The following NUP210L variants were observed in gnomAD, a reference collection of about 807,000 sequenced individuals.
The protein encoded by NUP210L is nuclear pore membrane glycoprotein 210-like.
NUP210L carries 74 observed loss-of-function variants against 208.5 expected under a neutral mutation model. That is an observed-to-expected ratio of 0.35 (90% CI 0.29 to 0.43). The LOEUF is 0.43. Among genes scored for constraint, NUP210L ranks in the 20% least tolerant of loss-of-function variants. The pLI is 1.00. For missense variants in NUP210L, 1,843 were observed against 2,289.4 expected (o/e 0.81, Z 3.98); for synonymous variants, 780 against 816.9 (o/e 0.95, Z 0.77).
chr1:154,085,030 G>A (rs569794736), intron 16 of NUP210L, among the ~76,000 whole-genome samples: 22 of 141,472 alleles, frequency 1.6e-4, no homozygotes, highest in Admixed American at 7.5e-4. Context: ...GATTACAGGC[G>A]TGAGCCACAG....
intron 35 of NUP210L, 127 bp from the exon 36 acceptor site, chr1:154,002,112 G>C: frequency 2.1e-6 from 2 of 973,276 alleles, no homozygotes; most frequent in Non-Finnish European, 3.0e-6. Context: ...ATTTAGTTTT[G>C]AGTATTCAAT....
chr1:154,135,672 C>T (rs1658497545), intron 7 of NUP210L, 142 bp downstream of exon 7: 14 of 626,410 alleles, frequency 2.2e-5, no homozygotes, highest in South Asian at 1.6e-4. Flanking sequence ...CAGCCCGCCT[C>T]GGCCTCCCAA....
chr1:154,140,366 A>G (rs1288519086), intron 4 of NUP210L, among the ~76,000 whole-genome samples: 2 of 145,990 alleles, frequency 1.4e-5, no homozygotes, highest in African/African-American at 2.5e-5. Flanking sequence ...AAAAAAAAAA[A>G]GAAAAAGAAA....
At chr1:154,090,792 C>G (rs1480320859) in intron 15 of NUP210L, among the ~76,000 whole-genome samples, 1 of 149,542 alleles carries the variant, frequency 6.7e-6, no homozygotes, top group Non-Finnish European at 1.5e-5. Context: ...GCCTGGGTGA[C>G]AAGAGTCAAA....
At chr1:154,053,556 G>A (rs138222949) in intron 25 of NUP210L, among the ~76,000 whole-genome samples, 2,034 of 152,278 alleles carry the variant, frequency 0.013, 45 homozygotes, top group African/African-American at 0.045. Context: ...CAGAATGAGG[G>A]CAAGGAACAC....
intron 10 of NUP210L, among the ~76,000 whole-genome samples, chr1:154,120,276 G>C (rs181534632): frequency 1.3e-5 from 2 of 152,198 alleles, no homozygotes; most frequent in Non-Finnish European, 2.9e-5. Flanking sequence ...GTTCTTTGTA[G>C]ATTCTGGATA....
chr1:154,036,313 C>CGT (rs1652538392), intron 27 of NUP210L, among the ~76,000 whole-genome samples: 1 of 104,088 alleles, frequency 9.6e-6, no homozygotes, highest in East Asian at 2.7e-4. Context: ...ACAGTTGGAA[C>CGT]ATGTGTGTGT....
intron 27 of NUP210L, among the ~76,000 whole-genome samples, chr1:154,033,563 A>G (rs1345296625): frequency 6.6e-6 from 1 of 152,098 alleles, no homozygotes. Context: ...CTGCAGGTGT[A>G]TGAATTTGTT....
chr1:154,070,435 G>A (rs754829179), exon 17 of NUP210L: 1 of 1,601,138 alleles, frequency 6.2e-7, no homozygotes, highest in South Asian at 1.1e-5. Flanking sequence ...GCTAGTTCCA[G>A]GACTGTGTCC....
chr1:154,063,272 C>T (rs1178724400), intron 17 of NUP210L, among the ~76,000 whole-genome samples: 3 of 152,032 alleles, frequency 2.0e-5, no homozygotes, highest in African/African-American at 4.8e-5. Flanking sequence ...CCTAGGTTTC[C>T]TAGAGGAAGA....
intron 17 of NUP210L, among the ~76,000 whole-genome samples, chr1:154,064,114 T>C (rs1654277770): frequency 6.6e-6 from 1 of 151,874 alleles, no homozygotes; most frequent in Admixed American, 6.6e-5. Flanking sequence ...CCCAAGCTGG[T>C]CTTGCACTCT....
intron 38 of NUP210L, 31 bp downstream of exon 38, chr1:153,995,043 CAA>C: frequency 3.8e-6 from 5 of 1,304,070 alleles, no homozygotes; most frequent in Non-Finnish European, 5.4e-6. Flanking sequence ...GTTTTCATGT[CAA>C]AGTCTATGTT....
At chr1:154,079,682 C>CA (rs11424914) in intron 16 of NUP210L, 46,051 of 146,636 alleles carry the variant, frequency 0.31, 9,304 homozygotes, top group East Asian at 0.6. Context: ...AAAAGCCATA[C>CA]AAAAAAAAAA....
At chr1:154,058,331 C>G (rs1653978961) in intron 21 of NUP210L, 115 bp from the exon 22 acceptor site, 2 of 1,194,534 alleles carry the variant, frequency 1.7e-6, no homozygotes, top group African/African-American at 1.5e-5. Flanking sequence ...TCCTGGTCAG[C>G]CTTCAATCAA....
At chr1:154,063,551 T>G (rs1654244881) in intron 17 of NUP210L, among the ~76,000 whole-genome samples, 1 of 152,170 alleles carries the variant, frequency 6.6e-6, no homozygotes, top group African/African-American at 2.4e-5. Flanking sequence ...TAGTCAGCAG[T>G]CAGGACTACA....
rs570838702 is a variant in NUP210L, at chr1:154,024,040, C to T, written c.4123-743G>A. 1.8e-3 allele frequency among the ~76,000 whole-genome samples: 277 copies of T among 151,808 alleles called. 1 individual carries two copies. The highest frequency in any genetic ancestry group is 6.4e-3 in the African/African-American group (266 of 41,396). On this transcript the variant is annotated intron_variant, in intron 30 of 39. Coordinates refer to ENST00000368559, the Ensembl canonical transcript of NUP210L. ...TCCTGACCTCGTGATCCACCCGGCT[C>T]GGCCTCCCAAAGTGCTGGGATTGGC...
intron 36 of NUP210L, 139 bp downstream of exon 36, chr1:154,001,596 T>C (rs2147888138): frequency 3.1e-6 from 3 of 970,134 alleles, no homozygotes; most frequent in Non-Finnish European, 4.6e-6. Context: ...AGATGGGTTT[T>C]CTTCATTTGA....
At chr1:154,113,652 A>G (rs531564303) in intron 12 of NUP210L, among the ~76,000 whole-genome samples, 5 of 150,588 alleles carry the variant, frequency 3.3e-5, no homozygotes, top group Non-Finnish European at 5.9e-5. Flanking sequence ...AAGGTCAGGA[A>G]TTCAACACCA....
intron 4 of NUP210L, among the ~76,000 whole-genome samples, chr1:154,140,647 A>T (rs1431329634): frequency 6.7e-6 from 1 of 149,844 alleles, no homozygotes; most frequent in African/African-American, 2.4e-5. Flanking sequence ...AGCCTGAGTG[A>T]CAGAGCAAGA....
Sources: gnomAD v4.1 joint callset for allele counts (sites outside exome capture counted in the v4.1 genomes callset) on GRCh38, gnomAD v4.1.1 for gene constraint, MANE v1.5 for transcripts, NCBI Gene and HGNC (gene_info 2026-07-23, HGNC 2026-07-21) for gene names.